The following ADGRL3 variants were observed in gnomAD, a reference collection of about 807,000 sequenced individuals.
The protein encoded by ADGRL3 is adhesion G protein-coupled receptor L3, also known as calcium-independent alpha-latrotoxin receptor 3.
ADGRL3 carries 62 observed loss-of-function variants against 153.5 expected under a neutral mutation model. The observed-to-expected ratio is 0.40, with a 90% CI of 0.33 to 0.50. The LOEUF is 0.50. Ranked by LOEUF, ADGRL3 falls within the 20% of genes least tolerant of loss-of-function variation. The pLI is 0.47. For synonymous variants in ADGRL3, 710 were observed against 672.5 expected, an observed-to-expected ratio of 1.06 and a Z score of -0.86; for missense variants, 1,641 against 1,859.4, an observed-to-expected ratio of 0.88 and a Z score of 2.16.
intron 8 of ADGRL3, among the ~76,000 whole-genome samples, chr4:61,799,000 TATATATATA>T (rs2097451518): frequency 2.4e-4 from 1 of 4,092 alleles, no homozygotes; most frequent in Non-Finnish European, 4.9e-4. Flanking sequence ...ATATAAACAG[TATATATATA>T]TATATATATA....
chr4:61,868,537 A>G (rs2098416648), intron 9 of ADGRL3, among the ~76,000 whole-genome samples: 1 of 152,254 alleles, frequency 6.6e-6, no homozygotes, highest in East Asian at 1.9e-4. Context: ...GCACTTTACA[A>G]TGCACACTAC....
chr4:61,836,051 A>T (rs904051682), intron 9 of ADGRL3, among the ~76,000 whole-genome samples: 16 of 152,190 alleles, frequency 1.1e-4, no homozygotes, highest in African/African-American at 3.9e-4. Flanking sequence ...AAGACAAAAA[A>T]CAAGACAGCG....
At chr4:61,660,211 T>C (rs1476398247) in intron 5 of ADGRL3, among the ~76,000 whole-genome samples, 1 of 152,190 alleles carries the variant, frequency 6.6e-6, no homozygotes, top group African/African-American at 2.4e-5. Context: ...TGATACTATG[T>C]AATTATAAAA....
intron 5 of ADGRL3, among the ~76,000 whole-genome samples, chr4:61,587,716 T>G (rs1367067815): frequency 6.6e-6 from 1 of 152,090 alleles, no homozygotes; most frequent in Non-Finnish European, 1.5e-5. Flanking sequence ...CTGAGTTCAT[T>G]ACATGAGAGA....
chr4:61,949,820 T>A (rs982789906), intron 17 of ADGRL3, among the ~76,000 whole-genome samples: 1 of 152,344 alleles, frequency 6.6e-6, no homozygotes, highest in Non-Finnish European at 1.5e-5. Flanking sequence ...CAAAATTATT[T>A]GTCATTAGAA....
intron 4 of ADGRL3, among the ~76,000 whole-genome samples, chr4:61,570,323 A>G (rs2098833346): frequency 6.6e-6 from 1 of 152,100 alleles, no homozygotes; most frequent in Non-Finnish European, 1.5e-5. Context: ...ATTCATAGTA[A>G]TTTCCTCAAA....
intron 6 of ADGRL3, among the ~76,000 whole-genome samples, chr4:61,702,081 G>T (rs2095774438): frequency 6.6e-6 from 1 of 152,090 alleles, no homozygotes; most frequent in African/African-American, 2.4e-5. Flanking sequence ...TCACTTGCAG[G>T]GCTGACCACA....
intron 1 of ADGRL3, among the ~76,000 whole-genome samples, chr4:61,286,633 TATA>T (rs1436384432): frequency 6.6e-6 from 1 of 151,788 alleles, no homozygotes; most frequent in Non-Finnish European, 1.5e-5. Flanking sequence ...AATAATTAAA[TATA>T]ATAATTCAGT....
intron 19 of ADGRL3, among the ~76,000 whole-genome samples, chr4:61,986,346 C>T (rs182159205): frequency 4.3e-4 from 66 of 152,070 alleles, no homozygotes; most frequent in African/African-American, 1.5e-3. Flanking sequence ...GGAAATTGTC[C>T]TGTTACTACT....
At chr4:61,446,955 T>C (rs895606640) in intron 2 of ADGRL3, among the ~76,000 whole-genome samples, 2 of 152,142 alleles carry the variant, frequency 1.3e-5, no homozygotes, top group Non-Finnish European at 1.5e-5. Flanking sequence ...ACCCCCTACT[T>C]GTATGCATAC....
At chr4:61,909,486 A>G in intron 11 of ADGRL3, 74 bp from the exon 12 acceptor site, 1 of 1,007,212 alleles carries the variant, frequency 9.9e-7, no homozygotes, top group Non-Finnish European at 1.5e-6. Context: ...ACATGCAAAC[A>G]TGATCGTTGA....
intron 14 of ADGRL3, 92 bp from the exon 15 acceptor site, chr4:61,935,831 T>C (rs780100780): frequency 1.8e-6 from 2 of 1,138,608 alleles, no homozygotes; most frequent in Non-Finnish European, 2.4e-6. Context: ...AATTCCAGTA[T>C]TTTGATTTCA....
rs2093113275 is a variant in ADGRL3, at chr4:61,630,750, G to A, written c.473+43310G>A. On this transcript the variant is annotated intron_variant, in intron 5 of 26. Coordinates refer to ENST00000683033, the MANE Select transcript of ADGRL3 (RefSeq NM_001387552.1). The stretch of plus-strand genomic sequence containing the variant: ...ATGGTCACAAAGTAGATATACAAAT[G>A]TGTGCAAAGCACATATGGAGCCGTT... Among the ~76,000 whole-genome samples, 4 of 152,208 alleles carry A rather than the reference G, an allele frequency of 2.6e-5. No individual in the cohort carries two copies. The South Asian group carries it at 8.3e-4, about 31-fold the overall frequency.
intron 4 of ADGRL3, among the ~76,000 whole-genome samples, chr4:61,582,241 T>C (rs1236247475): frequency 1.3e-5 from 2 of 152,080 alleles, no homozygotes; most frequent in Admixed American, 6.6e-5. Context: ...GTCTGTTACA[T>C]AGGTAAATGG....
At chr4:61,597,847 T>C (rs2098995534) in intron 5 of ADGRL3, among the ~76,000 whole-genome samples, 3 of 152,078 alleles carry the variant, frequency 2.0e-5, no homozygotes, top group Admixed American at 2.0e-4. Flanking sequence ...AAACCACAAA[T>C]ATCTGTCTTT....
chr4:62,010,620 T>C (rs1273390894), intron 21 of ADGRL3, among the ~76,000 whole-genome samples: 1 of 152,136 alleles, frequency 6.6e-6, no homozygotes, highest in Non-Finnish European at 1.5e-5. Flanking sequence ...AAACAGTTTT[T>C]AAAAAATCAA....
chr4:61,264,837 TG>T (rs2092749436), intron 1 of ADGRL3, among the ~76,000 whole-genome samples: 1 of 151,948 alleles, frequency 6.6e-6, no homozygotes, highest in African/African-American at 2.4e-5. Context: ...ACATTATGCT[TG>T]GGAAAAAGTG....
intron 25 of ADGRL3, among the ~76,000 whole-genome samples, chr4:62,053,552 T>TA (rs909513980): frequency 2.0e-5 from 3 of 151,524 alleles, no homozygotes; most frequent in Non-Finnish European, 3.0e-5. Context: ...ACTGGAGAAT[T>TA]ACGAAAGATT....
intron 6 of ADGRL3, among the ~76,000 whole-genome samples, chr4:61,709,127 G>A (rs1032837649): frequency 5.9e-5 from 9 of 151,846 alleles, no homozygotes; most frequent in Admixed American, 3.9e-4. Flanking sequence ...AAACTTCAAG[G>A]CCTATTATAC....
Sources: gnomAD v4.1 joint callset for allele counts (sites outside exome capture counted in the v4.1 genomes callset) on GRCh38, gnomAD v4.1.1 for gene constraint, MANE v1.5 for transcripts, NCBI Gene and HGNC (gene_info 2026-07-23, HGNC 2026-07-21) for gene names.